Variants in TRHDE observed in about 807,000 individuals in gnomAD.
TRHDE encodes the protein thyrotropin releasing hormone degrading enzyme.
TRHDE carries 72 observed loss-of-function variants against 125.7 expected under a neutral mutation model. The observed-to-expected ratio is 0.57, with a 90% CI of 0.47 to 0.70. The LOEUF (loss-of-function observed/expected upper bound fraction) is 0.70, where lower values mean the gene tolerates loss of function less well. Among genes scored for constraint, TRHDE ranks in the 30% least tolerant of loss-of-function variants. The probability of loss-of-function intolerance (pLI) is 0.00; values close to 1 mark genes in which losing one functional copy is unlikely to be tolerated. For synonymous variants in TRHDE, 509 were observed against 509.1 expected (o/e 1.00, Z 0.00); for missense variants, 1,110 against 1,327.1 (o/e 0.84, Z 2.54).
intron 3 of TRHDE, among the ~76,000 whole-genome samples, chr12:72,440,184 CA>C (rs1267304348): frequency 6.6e-6 from 1 of 151,876 alleles, no homozygotes; most frequent in African/African-American, 2.4e-5. Context: ...AGGATGTTTA[CA>C]TTTATGTTCA....
rs545440276 is a variant in TRHDE, at chr12:72,227,068, A to G, written n.279+121316A>G. 9.8e-5 allele frequency among the ~76,000 whole-genome samples: 15 copies of G among 152,334 alleles called. No individual in the cohort carries two copies. In the South Asian group the frequency reaches 2.9e-3, roughly 29 times the overall value. The stretch of plus-strand genomic sequence containing the variant: ...GGATAACCAAAGCATTTCAAAAACA[A>G]TGGAAACAATAACCAAGGTAAAAAT... On this transcript the variant is annotated intron_variant and non_coding_transcript_variant, in intron 2 of 4. Transcript: ENST00000548156.
At chr12:72,162,362 C>T (rs1876655618) in intron 2 of TRHDE, among the ~76,000 whole-genome samples, 14 of 152,118 alleles carry the variant, frequency 9.2e-5, no homozygotes, top group Admixed American at 9.2e-4. Flanking sequence ...GTGGTGACCT[C>T]CTAATGTGGA....
At chr12:72,533,176 CT>C (rs894956746) in intron 6 of TRHDE, among the ~76,000 whole-genome samples, 71 of 144,642 alleles carry the variant, frequency 4.9e-4, no homozygotes, top group Admixed American at 4.9e-4. Flanking sequence ...AGAGAAAATT[CT>C]TTTTTTTTTT....
At chr12:72,395,994 A>T (rs1872772208) in intron 3 of TRHDE, among the ~76,000 whole-genome samples, 1 of 151,964 alleles carries the variant, frequency 6.6e-6, no homozygotes, top group Admixed American at 6.6e-5. Flanking sequence ...GTACTCATAT[A>T]TCTTGTGTTC....
At chr12:72,615,758 C>T (rs901734460) in intron 12 of TRHDE, among the ~76,000 whole-genome samples, 1 of 152,084 alleles carries the variant, frequency 6.6e-6, no homozygotes, top group East Asian at 1.9e-4. Flanking sequence ...CCCCAAAACA[C>T]ATTTGGATAA....
rs551055241 is a variant in TRHDE at position 72,445,022 on chromosome 12, C to T, written c.1316-24736C>T. ...TGCTCTCTGTGTTTTTCTATGTGAC[C>T]TTTCCAACAAGTACCTTCTTCTTCT... is the stretch of plus-strand genomic sequence containing the variant. On this transcript the variant is annotated intron_variant, in intron 3 of 18. Coordinates refer to ENST00000261180, the MANE Select transcript of TRHDE (RefSeq NM_013381.3). 9.9e-5 allele frequency among the ~76,000 whole-genome samples: 15 copies of T among 151,962 alleles called. No homozygotes were observed. In the South Asian group the frequency reaches 2.9e-3, roughly 29 times the overall value.
chr12:72,386,202 A>G (rs1872408597), intron 3 of TRHDE, among the ~76,000 whole-genome samples: 1 of 152,198 alleles, frequency 6.6e-6, no homozygotes, highest in South Asian at 2.1e-4. Flanking sequence ...ACTAATTCTA[A>G]CAGGATTGTA....
chr12:72,381,155 TGC>T (rs1872157699), intron 3 of TRHDE, among the ~76,000 whole-genome samples: 1 of 152,136 alleles, frequency 6.6e-6, no homozygotes, highest in Non-Finnish European at 1.5e-5. Flanking sequence ...CAGCTGATAC[TGC>T]TAACCATCCT....
chr12:72,262,520 C>A (rs1344661368), intron 2 of TRHDE: 1 of 152,106 alleles, frequency 6.6e-6, no homozygotes, highest in African/African-American at 2.4e-5. Context: ...CACAAAGAGC[C>A]ATTGGTGCAT....
chr12:72,144,816 T>G (rs1397119938), intron 2 of TRHDE, among the ~76,000 whole-genome samples: 1 of 152,182 alleles, frequency 6.6e-6, no homozygotes, highest in African/African-American at 2.4e-5. Context: ...ACTGGGGATA[T>G]GTAGTAGTGC....
rs139697748 is a variant in TRHDE at position 72,158,410 on chromosome 12, A to G, written n.279+52658A>G. 6.1e-4 allele frequency among the ~76,000 whole-genome samples: 92 copies of G among 151,820 alleles called. No individual in the cohort carries two copies. In the East Asian group the frequency reaches 0.017, roughly 28 times the overall value. On this transcript the variant is annotated intron_variant and non_coding_transcript_variant, in intron 2 of 4. Transcript: ENST00000548156. ...ATATATCTTTCATACATACTTATATATGTAGAAGAGCAGGCTCATTTGTTA... is the reference window on the plus strand; with the variant it reads ...ATATATCTTTCATACATACTTATATGTGTAGAAGAGCAGGCTCATTTGTTA...
At chr12:72,439,095 G>A (rs1874878370) in intron 3 of TRHDE, among the ~76,000 whole-genome samples, 1 of 151,678 alleles carries the variant, frequency 6.6e-6, no homozygotes, top group African/African-American at 2.4e-5. Flanking sequence ...TTTGTTGAAT[G>A]TCAGTTGGCT....
chr12:72,349,738 G>A (rs750377820), intron 2 of TRHDE, among the ~76,000 whole-genome samples: 1 of 152,028 alleles, frequency 6.6e-6, no homozygotes, highest in Non-Finnish European at 1.5e-5. Context: ...CCTTGGGATT[G>A]ACTTTGGTGC....
intron 2 of TRHDE, among the ~76,000 whole-genome samples, chr12:72,323,287 G>A (rs1479831813): frequency 6.6e-6 from 1 of 152,158 alleles, no homozygotes; most frequent in Non-Finnish European, 1.5e-5. Flanking sequence ...ATGGATGGCA[G>A]AGTGGCTTAT....
At chr12:72,648,678 G>A (rs1187739812) in intron 15 of TRHDE, among the ~76,000 whole-genome samples, 6 of 151,960 alleles carry the variant, frequency 3.9e-5, no homozygotes, top group Non-Finnish European at 5.9e-5. Context: ...TGGGCATGGC[G>A]GCTCATGCCT....
chr12:72,187,471 TGTGGTC>T (rs1877246942), intron 2 of TRHDE, among the ~76,000 whole-genome samples: 1 of 120,406 alleles, frequency 8.3e-6, no homozygotes, highest in Admixed American at 8.0e-5. Flanking sequence ...TGGTGGTGGT[TGTGGTC>T]GTGGTGGTGG....
intron 1 of TRHDE, among the ~76,000 whole-genome samples, chr12:72,280,389 A>T (rs1879653635): frequency 6.6e-6 from 1 of 152,186 alleles, no homozygotes; most frequent in Admixed American, 6.6e-5. Context: ...CAGTTTGTGT[A>T]GGACCAACGT....
At chr12:72,274,150 T>C (rs1444930388) in intron 1 of TRHDE, among the ~76,000 whole-genome samples, 1 of 152,048 alleles carries the variant, frequency 6.6e-6, no homozygotes, top group Non-Finnish European at 1.5e-5. Flanking sequence ...TTTCCAGAGA[T>C]AGGCTGAGAG....
At chr12:72,516,083 C>A in intron 6 of TRHDE, among the ~76,000 whole-genome samples, 1 of 151,816 alleles carries the variant, frequency 6.6e-6, no homozygotes, top group Non-Finnish European at 1.5e-5. Context: ...AGCGTGATGC[C>A]TCCAGCTTTG....
Sources: allele counts gnomAD v4.1 joint callset (sites outside exome capture counted in the v4.1 genomes callset), GRCh38; gene constraint gnomAD v4.1.1; transcripts MANE v1.5; gene names NCBI Gene and HGNC (gene_info 2026-07-23, HGNC 2026-07-21).